CTTNBP2: variants seen among roughly 807,000 people sequenced by gnomAD.
The protein encoded by CTTNBP2 is cortactin binding protein 2, also known as cortactin-binding protein 2.
Under a neutral mutation model 156.9 loss-of-function variants are expected in CTTNBP2, and 108 were observed. That is an observed-to-expected ratio of 0.69 (90% CI 0.59 to 0.81). The LOEUF is 0.81. Among genes scored for constraint, CTTNBP2 ranks in the 30% least tolerant of loss-of-function variants. The pLI is 0.00. For synonymous variants in CTTNBP2, 767 were observed against 751.8 expected (o/e 1.02, Z -0.33); for missense variants, 1,924 against 2,035.4 (o/e 0.95, Z 1.05).
intron 16 of CTTNBP2, among the ~76,000 whole-genome samples, chr7:117,733,823 A>G (rs781771488): frequency 2.0e-5 from 3 of 152,166 alleles, no homozygotes; most frequent in Non-Finnish European, 4.4e-5. Context: ...CACATACTCT[A>G]ACACAATAGA....
intron 12 of CTTNBP2, among the ~76,000 whole-genome samples, chr7:117,747,936 G>A (rs1046527864): frequency 6.6e-6 from 1 of 152,074 alleles, no homozygotes; most frequent in Non-Finnish European, 1.5e-5. Context: ...GTTGGGCTTG[G>A]GACTGGGTTT....
chr7:117,733,164 G>C (rs1358009929), intron 16 of CTTNBP2, among the ~76,000 whole-genome samples: 1 of 152,144 alleles, frequency 6.6e-6, no homozygotes, highest in Non-Finnish European at 1.5e-5. Context: ...TAGGTTCTGT[G>C]ACATTACAAG....
intron 8 of CTTNBP2, among the ~76,000 whole-genome samples, chr7:117,772,389 C>T (rs1312289260): frequency 6.6e-6 from 1 of 152,084 alleles, no homozygotes; most frequent in Non-Finnish European, 1.5e-5. Flanking sequence ...AGCAAGTAAA[C>T]AAATGCCAGG....
At chr7:117,727,544 G>T (rs752343657) in intron 17 of CTTNBP2, among the ~76,000 whole-genome samples, 2 of 152,150 alleles carry the variant, frequency 1.3e-5, no homozygotes, top group Non-Finnish European at 2.9e-5. Context: ...TCTGCCCATG[G>T]CACCAGAAAC....
At chr7:117,767,258 A>C in intron 8 of CTTNBP2, 82 bp from the exon 9 acceptor site, 2 of 783,048 alleles carry the variant, frequency 2.6e-6, no homozygotes, top group Non-Finnish European at 4.6e-6. Context: ...CCAGTTGCCT[A>C]TAACAATCAC....
chr7:117,767,220 A>G (rs1305437475), intron 8 of CTTNBP2, 44 bp from the exon 9 acceptor site: 7 of 1,073,186 alleles, frequency 6.5e-6, no homozygotes, highest in Non-Finnish European at 1.0e-5. Flanking sequence ...CAAATGAATT[A>G]ACTTGAATGC....
chr7:117,773,707 A>ACACACACACACC (rs1234464093), intron 8 of CTTNBP2, among the ~76,000 whole-genome samples: 5 of 129,056 alleles, frequency 3.9e-5, no homozygotes, highest in Admixed American at 8.2e-5. Context: ...ACACACACAC[A>ACACACACACACC]CCCCAAAAAA....
Position 117,745,928 on chromosome 7 carries a change from G to A in CTTNBP2, c.3438C>T (p.His1146=), listed in dbSNP as rs761906280. The A allele has an allele frequency of 3.7e-6, 6 of 1,613,964 alleles. No individual in the cohort carries two copies. The highest frequency in any genetic ancestry group is 5.1e-6 in the Non-Finnish European group (6 of 1,179,844). ...IVHQLALCLK[H]RQMAAGFSCE... ...AGGAGAATCCTGCAGCCATTTGTCTGTGCTGTGATAAGAAAATAGGGTGAT... is the reference window on the plus strand; with the variant it reads ...AGGAGAATCCTGCAGCCATTTGTCTATGCTGTGATAAGAAAATAGGGTGAT... The change falls in exon 14 of 23, where the codon CAC becomes CAT. Residue 1146 remains histidine (H), a splice_region_variant and synonymous_variant. Transcript: ENST00000160373.
chr7:117,814,082 T>C (rs1447631567), intron 2 of CTTNBP2, among the ~76,000 whole-genome samples: 1 of 152,214 alleles, frequency 6.6e-6, no homozygotes, highest in Non-Finnish European at 1.5e-5. Context: ...GTAACACTAA[T>C]CAAGCAATTT....
intron 2 of CTTNBP2, among the ~76,000 whole-genome samples, chr7:117,843,727 C>T (rs568011359): frequency 3.9e-5 from 6 of 152,224 alleles, no homozygotes; most frequent in African/African-American, 9.6e-5. Context: ...CAAGATAACT[C>T]GATGACTATG....
chr7:117,767,827 C>A lies in CTTNBP2; in HGVS notation c.2779-651G>T, dbSNP rs184045496. Among the ~76,000 whole-genome samples, 249 of 152,158 alleles carry A rather than the reference C, an allele frequency of 1.6e-3. 2 individuals are homozygous for A. The highest frequency in any genetic ancestry group is 0.01 in the Admixed American group (158 of 15,274). ...AATCTCCATTCAAAAAGTAGAACTA[C>A]GAACTGAAAAGTCTTAGTCCTCCAT... On this transcript the variant is annotated intron_variant, in intron 8 of 22. Transcript: ENST00000160373.
chr7:117,763,411 C>T (rs924398160), intron 9 of CTTNBP2, among the ~76,000 whole-genome samples: 8 of 151,512 alleles, frequency 5.3e-5, no homozygotes, highest in African/African-American at 1.7e-4. Context: ...TCCCTGTTAG[C>T]GGTAACTTCT....
intron 2 of CTTNBP2, among the ~76,000 whole-genome samples, chr7:117,820,796 T>A (rs192934113): frequency 0.013 from 1,978 of 152,336 alleles, 22 homozygotes; most frequent in Middle Eastern, 0.031. Context: ...ATTCTTTTTT[T>A]AAATTGCTTT....
chr7:117,860,199 TACAG>T (rs975300252), intron 2 of CTTNBP2, among the ~76,000 whole-genome samples: 1 of 151,914 alleles, frequency 6.6e-6, no homozygotes, highest in African/African-American at 2.4e-5. Flanking sequence ...AATAACTAAT[TACAG>T]ACAAAGTATT....
rs374668080 is a variant in CTTNBP2 at position 117,718,045 on chromosome 7, A to T, written c.4719T>A (p.Asn1573Lys). The change falls in exon 22 of 23, where the codon AAT (asparagine) becomes AAA (lysine). Residue 1573 changes from asparagine to lysine, a missense_variant. By Grantham distance (94) the Asn-to-Lys change is moderately conservative. Coordinates refer to ENST00000160373, the MANE Select transcript of CTTNBP2 (RefSeq NM_033427.3). Reference protein sequence around the residue: ...GNNPVLSATINNLRMPVSQKE... With the variant: ...GNNPVLSATIKNLRMPVSQKE... ...TTTGTGACACTGGCATTCTCAGATT[A>T]TTAATAGTTGCTGAAAGTACAGGGT... is the stretch of plus-strand genomic sequence containing the variant. The T allele has an allele frequency of 9.9e-5, 160 of 1,611,490 alleles. No individual in the cohort carries two copies. Among genetic ancestry groups the T allele is most frequent in the Non-Finnish European group, 1.3e-4 (149 of 1,177,754 alleles).
At position 117,724,576 on chromosome 7, in the gene CTTNBP2, G is replaced by T. The variant is rs765875888; in HGVS notation, c.4418C>A (p.Thr1473Asn). 1.2e-6 allele frequency: 2 copies of T among 1,613,970 alleles called. No homozygotes were observed. The highest frequency in any genetic ancestry group is 1.7e-6 in the Non-Finnish European group (2 of 1,180,018). The part of the protein sequence containing the change: ...RRKSGRFSLP[T>N]WNKPDLSTEG... ...AGTGCTTAGGTCTGGCTTATTCCAG[G>T]TGGGTAAAGAGAAGCGGCCAGACTT... Residue 1473 changes from threonine to asparagine, a missense_variant, in exon 19 of 23, where the codon ACC becomes AAC. Coordinates refer to ENST00000160373, the MANE Select transcript of CTTNBP2 (RefSeq NM_033427.3).
chr7:117,747,002 C>G (rs970616631), intron 12 of CTTNBP2, among the ~76,000 whole-genome samples: 1 of 152,138 alleles, frequency 6.6e-6, no homozygotes, highest in African/African-American at 2.4e-5. Flanking sequence ...GGAAAGTTAG[C>G]CTCCCACTTC....
intron 3 of CTTNBP2, among the ~76,000 whole-genome samples, chr7:117,802,153 C>T (rs1317455714): frequency 6.8e-6 from 1 of 146,550 alleles, no homozygotes; most frequent in South Asian, 2.2e-4. Context: ...TGAGAATATG[C>T]GGTGTTTGGT....
intron 2 of CTTNBP2, among the ~76,000 whole-genome samples, chr7:117,822,979 A>G (rs944427492): frequency 1.3e-5 from 2 of 152,214 alleles, no homozygotes; most frequent in Non-Finnish European, 2.9e-5. Flanking sequence ...TTAATTGTCA[A>G]TGTTTGCTTC....
Sources: allele counts gnomAD v4.1 joint callset (sites outside exome capture counted in the v4.1 genomes callset), GRCh38; gene constraint gnomAD v4.1.1; transcripts MANE v1.5; gene names NCBI Gene and HGNC (gene_info 2026-07-23, HGNC 2026-07-21).